Variants in PLCB1 observed in about 807,000 individuals in gnomAD.
PLCB1 encodes phospholipase C beta 1, also known as 1-phosphatidylinositol 4,5-bisphosphate phosphodiesterase beta-1.
PLCB1 carries 46 observed loss-of-function variants against 161.8 expected under a neutral mutation model. The ratio of observed to expected loss-of-function variants is 0.28; its 90% confidence interval spans 0.22 to 0.36. The LOEUF (loss-of-function observed/expected upper bound fraction) is 0.36, where lower values mean the gene tolerates loss of function less well. Ranked by LOEUF, PLCB1 falls within the 10% of genes least tolerant of loss-of-function variation. The pLI is 1.00. For missense variants in PLCB1, 1,016 were observed against 1,472.5 expected, an observed-to-expected ratio of 0.69 and a Z score of 5.07; for synonymous variants, 517 against 503.7, an observed-to-expected ratio of 1.03 and a Z score of -0.35.
At chr20:8,456,484 GT>G (rs1981322842) in intron 3 of PLCB1, among the ~76,000 whole-genome samples, 1 of 152,032 alleles carries the variant, frequency 6.6e-6, no homozygotes, top group Non-Finnish European at 1.5e-5. Context: ...ACATTGCAGA[GT>G]AGCAGTAAAG....
intron 10 of PLCB1, among the ~76,000 whole-genome samples, chr20:8,690,968 C>G (rs186767867): frequency 4.1e-4 from 63 of 152,176 alleles, no homozygotes; most frequent in African/African-American, 1.5e-3. Context: ...TTACCTTGCC[C>G]CAGTACCAGC....
At chr20:8,558,120 T>C (rs563934140) in intron 3 of PLCB1, among the ~76,000 whole-genome samples, 2 of 151,846 alleles carry the variant, frequency 1.3e-5, no homozygotes, top group South Asian at 4.2e-4. Context: ...AAGAGGGTGA[T>C]TATAGTCAAA....
intron 19 of PLCB1, 117 bp downstream of exon 19, chr20:8,733,509 C>A: frequency 1.1e-6 from 1 of 906,608 alleles, no homozygotes; most frequent in East Asian, 2.6e-5. Context: ...CTACTTTCTT[C>A]CTACATTTTT....
At chr20:8,246,031 G>A (rs534252263) in intron 2 of PLCB1, among the ~76,000 whole-genome samples, 9 of 151,954 alleles carry the variant, frequency 5.9e-5, no homozygotes, top group African/African-American at 1.7e-4. Flanking sequence ...GATGTTCACC[G>A]TACCTTTTAT....
At chr20:8,566,132 G>A (rs1334599691) in intron 3 of PLCB1, among the ~76,000 whole-genome samples, 16 of 152,026 alleles carry the variant, frequency 1.1e-4, no homozygotes, top group Admixed American at 8.5e-4. Context: ...TTAGTTCTAA[G>A]ACCCCAAACT....
rs1987460071 is a variant in PLCB1, at chr20:8,387,510, C to T, written c.246+16060C>T. Among the ~76,000 whole-genome samples, 7 of 152,160 alleles carry T rather than the reference C, an allele frequency of 4.6e-5. 1 individual carries two copies. Among genetic ancestry groups the T allele is most frequent in the Admixed American group, 4.6e-4 (7 of 15,274 alleles). On this transcript the variant is annotated intron_variant, in intron 3 of 31. Transcript: ENST00000338037. ...ATTACAATGGTAATATCAAAGATCA[C>T]TGATCACAGATCACCATAACAGATA... is the stretch of plus-strand genomic sequence containing the variant.
At chr20:8,139,841 T>A (rs1172612338) in intron 1 of PLCB1, among the ~76,000 whole-genome samples, 1 of 152,188 alleles carries the variant, frequency 6.6e-6, no homozygotes, top group Admixed American at 6.5e-5. Flanking sequence ...TAATACAAAA[T>A]CTGGACTTCT....
intron 23 of PLCB1, among the ~76,000 whole-genome samples, chr20:8,746,149 C>T (rs1981160094): frequency 6.6e-6 from 1 of 152,182 alleles, no homozygotes; most frequent in African/African-American, 2.4e-5. Context: ...CTAGGCTCTT[C>T]TCAAACTCCT....
intron 2 of PLCB1, among the ~76,000 whole-genome samples, chr20:8,260,275 G>A (rs935022701): frequency 6.7e-6 from 1 of 149,756 alleles, no homozygotes; most frequent in Non-Finnish European, 1.5e-5. Flanking sequence ...TTAGAGACAA[G>A]GTCTTTCCAT....
chr20:8,883,431 A>ACTT lies in PLCB1; in HGVS notation c.*1583_*1585dup, dbSNP rs1468730775. ...AAATAATAATATGTAGAAAAATGTAACTTAGAGAGTAACACATGAACATTG... is the reference window on the plus strand; with the variant it reads ...AAATAATAATATGTAGAAAAATGTAACTTCTTAGAGAGTAACACATGAACATTG... On this transcript the variant is annotated 3_prime_UTR_variant, in exon 32 of 32. Coordinates refer to ENST00000338037, the MANE Select transcript of PLCB1 (RefSeq NM_015192.4). 2.0e-5 allele frequency: 3 copies of ACTT among 152,084 alleles called. No homozygotes were observed. Among genetic ancestry groups the ACTT allele is most frequent in the Non-Finnish European group, 4.4e-5 (3 of 67,980 alleles). The allele number at this position is 152,084 out of a possible 1,614,324, so 9.4% of individuals were successfully genotyped here.
At chr20:8,845,722 T>G (rs960482540) in intron 31 of PLCB1, among the ~76,000 whole-genome samples, 1 of 151,956 alleles carries the variant, frequency 6.6e-6, no homozygotes, top group African/African-American at 2.4e-5. Flanking sequence ...AGCATATCCC[T>G]CTCTGTTACT....
intron 3 of PLCB1, among the ~76,000 whole-genome samples, chr20:8,463,726 G>A (rs1019449709): frequency 9.2e-5 from 14 of 151,912 alleles, no homozygotes; most frequent in Admixed American, 3.3e-4. Flanking sequence ...GCTTGTATAC[G>A]TAACTTTAAT....
In PLCB1 at chr20:8,439,283, A is replaced by G. The variant is rs140133729; in HGVS notation, c.246+67833A>G. Reference sequence around the variant, plus strand: ...CAAGCCTCCAGGCATCTAGCAGGGCATTAGCACACCGAAGCATTTATTAGA... The same window carrying G: ...CAAGCCTCCAGGCATCTAGCAGGGCGTTAGCACACCGAAGCATTTATTAGA... On this transcript the variant is annotated intron_variant, in intron 3 of 31. Coordinates refer to ENST00000338037, the MANE Select transcript of PLCB1 (RefSeq NM_015192.4). Among the ~76,000 whole-genome samples the G allele has an allele frequency of 6.4e-3, 973 of 152,334 alleles. 11 individuals carry two copies. Among genetic ancestry groups the G allele is most frequent in the African/African-American group, 0.022 (930 of 41,582 alleles).
At chr20:8,560,631 G>A (rs1423225791) in intron 3 of PLCB1, among the ~76,000 whole-genome samples, 2 of 151,956 alleles carry the variant, frequency 1.3e-5, no homozygotes. Context: ...AATGAGTGAA[G>A]GAGAGAGGTA....
At chr20:8,843,721 C>A (rs1600375843) in intron 31 of PLCB1, among the ~76,000 whole-genome samples, 1 of 152,158 alleles carries the variant, frequency 6.6e-6, no homozygotes, top group Admixed American at 6.6e-5. Flanking sequence ...TCTTTGCCCT[C>A]CATATAGAGA....
chr20:8,781,439 CACACACACAA>C (rs1983230708), intron 27 of PLCB1, among the ~76,000 whole-genome samples: 1 of 98,286 alleles, frequency 1.0e-5, no homozygotes, highest in Non-Finnish European at 2.3e-5. Context: ...CACACACACA[CACACACACAA>C]AGATCCAAAT....
At chr20:8,313,525 A>G (rs780607507) in intron 2 of PLCB1, among the ~76,000 whole-genome samples, 2 of 152,042 alleles carry the variant, frequency 1.3e-5, no homozygotes, top group Non-Finnish European at 2.9e-5. Flanking sequence ...TCACTGTAGG[A>G]GGTCAATACA....
chr20:8,865,703 G>T (rs1987405045), intron 31 of PLCB1, among the ~76,000 whole-genome samples: 1 of 152,134 alleles, frequency 6.6e-6, no homozygotes, highest in South Asian at 2.1e-4. Flanking sequence ...GAAAGAAATA[G>T]TAGAGATTCC....
intron 3 of PLCB1, among the ~76,000 whole-genome samples, chr20:8,400,871 G>C (rs1978520222): frequency 6.6e-6 from 1 of 152,064 alleles, no homozygotes; most frequent in African/African-American, 2.4e-5. Flanking sequence ...TCATCTTTGG[G>C]CACAATACAG....
Sources: gnomAD v4.1 joint callset for allele counts (sites outside exome capture counted in the v4.1 genomes callset) on GRCh38, gnomAD v4.1.1 for gene constraint, MANE v1.5 for transcripts, NCBI Gene and HGNC (gene_info 2026-07-23, HGNC 2026-07-21) for gene names.